BMPR2: variants seen among roughly 807,000 people sequenced by gnomAD.
BMPR2 encodes the protein bone morphogenetic protein receptor type-2.
A neutral mutation model predicts 100.8 loss-of-function variants in BMPR2; 29 were observed. That is an observed-to-expected ratio of 0.29 (90% CI 0.21 to 0.39). The LOEUF is 0.39. BMPR2 is among the 10% of genes least tolerant of loss of function. The pLI is 1.00. For synonymous variants in BMPR2, 382 were observed against 442.3 expected (o/e 0.86, Z 1.71); for missense variants, 1,011 against 1,274.5 (o/e 0.79, Z 3.15).
At chr2:202,535,785 C>T (rs1218291620) in intron 9 of BMPR2, among the ~76,000 whole-genome samples, 1 of 152,202 alleles carries the variant, frequency 6.6e-6, no homozygotes, top group Non-Finnish European at 1.5e-5. Flanking sequence ...TGCACTCCAG[C>T]CTGGGCACCA....
At chr2:202,401,509 T>A (rs544938023) in intron 1 of BMPR2, among the ~76,000 whole-genome samples, 1 of 152,358 alleles carries the variant, frequency 6.6e-6, no homozygotes, top group African/African-American at 2.4e-5. Flanking sequence ...ATTTACCAAG[T>A]GTGGCACGCC....
intron 1 of BMPR2, among the ~76,000 whole-genome samples, chr2:202,394,495 C>T (rs930848011): frequency 3.9e-5 from 6 of 151,936 alleles, no homozygotes; most frequent in East Asian, 3.8e-4. Flanking sequence ...GTAACTTCTC[C>T]CTTTATGAGT....
At chr2:202,535,332 GC>G (rs1207980288) in intron 9 of BMPR2, among the ~76,000 whole-genome samples, 2 of 151,402 alleles carry the variant, frequency 1.3e-5, no homozygotes, top group African/African-American at 4.9e-5. Context: ...CTCAGACGGG[GC>G]GGTTGCCAGG....
chr2:202,388,787 C>CA (rs1172001860), intron 1 of BMPR2, among the ~76,000 whole-genome samples: 16,286 of 90,426 alleles, frequency 0.18, 999 homozygotes, highest in Admixed American at 0.22. Context: ...GATTCAGTCT[C>CA]AAAAAAAAAA....
intron 1 of BMPR2, among the ~76,000 whole-genome samples, chr2:202,454,255 G>C (rs1029165232): frequency 6.6e-6 from 1 of 152,010 alleles, no homozygotes; most frequent in Admixed American, 6.6e-5. Context: ...ATTTTTGGTA[G>C]AGATAGGGTT....
At chr2:202,423,898 T>C (rs1691324676) in intron 1 of BMPR2, among the ~76,000 whole-genome samples, 1 of 151,880 alleles carries the variant, frequency 6.6e-6, no homozygotes, top group Non-Finnish European at 1.5e-5. Context: ...CTACTAAATA[T>C]ACAAAAATTA....
intron 1 of BMPR2, among the ~76,000 whole-genome samples, chr2:202,425,057 C>G (rs1344916975): frequency 6.6e-6 from 1 of 151,942 alleles, no homozygotes; most frequent in African/African-American, 2.4e-5. Flanking sequence ...CTCCTGGGTT[C>G]AAGCAGTTGT....
chr2:202,523,267 T>TA (rs1483248678), intron 7 of BMPR2, among the ~76,000 whole-genome samples: 1 of 152,216 alleles, frequency 6.6e-6, no homozygotes. Flanking sequence ...GCGGAACACT[T>TA]ATACATTATT....
At chr2:202,497,398 C>A (rs1477738133) in intron 3 of BMPR2, among the ~76,000 whole-genome samples, 2 of 152,210 alleles carry the variant, frequency 1.3e-5, no homozygotes. Flanking sequence ...ATACCGGGCA[C>A]CTTATTGGCC....
At chr2:202,502,247 A>G (rs1331541522) in intron 3 of BMPR2, among the ~76,000 whole-genome samples, 1 of 152,230 alleles carries the variant, frequency 6.6e-6, no homozygotes, top group Non-Finnish European at 1.5e-5. Flanking sequence ...ATTGCACACA[A>G]TGCAAAAACA....
At chr2:202,384,988 C>G (rs1043456821) in intron 1 of BMPR2, among the ~76,000 whole-genome samples, 3 of 152,104 alleles carry the variant, frequency 2.0e-5, no homozygotes, top group African/African-American at 7.2e-5. Context: ...TGTACATGAT[C>G]ATGTACTTTC....
chr2:202,380,215 T>C (rs1037433186), intron 1 of BMPR2, among the ~76,000 whole-genome samples: 1 of 151,232 alleles, frequency 6.6e-6, no homozygotes, highest in East Asian at 1.9e-4. Context: ...AAACAACTTA[T>C]GAAAAATAAG....
chr2:202,547,157 C>A (rs1297114937), intron 10 of BMPR2, among the ~76,000 whole-genome samples: 1 of 152,018 alleles, frequency 6.6e-6, no homozygotes, highest in African/African-American at 2.4e-5. Context: ...TTTAAAGTAG[C>A]TTTTTTCCTC....
At chr2:202,417,920 G>C (rs930049039) in intron 1 of BMPR2, among the ~76,000 whole-genome samples, 8 of 151,714 alleles carry the variant, frequency 5.3e-5, no homozygotes, top group African/African-American at 1.9e-4. Context: ...GGGTTTCACC[G>C]TGTTAGCCAG....
At chr2:202,500,841 CCTT>C (rs1687371088) in intron 3 of BMPR2, among the ~76,000 whole-genome samples, 1 of 152,170 alleles carries the variant, frequency 6.6e-6, no homozygotes, top group African/African-American at 2.4e-5. Flanking sequence ...CTCAAGGATG[CCTT>C]CTTCTGTATT....
At chr2:202,534,679 A>G (rs1189568498) in intron 9 of BMPR2, among the ~76,000 whole-genome samples, 3 of 152,172 alleles carry the variant, frequency 2.0e-5, no homozygotes, top group Non-Finnish European at 4.4e-5. Context: ...CAGACACGGC[A>G]ACCATCTGAT....
At chr2:202,520,628 A>G (rs1687803460) in intron 7 of BMPR2, 2 of 228,570 alleles carry the variant, frequency 8.8e-6, no homozygotes, top group African/African-American at 2.3e-5. Flanking sequence ...TTGGCAGACC[A>G]CCTGCGGTAG....
At chr2:202,464,596 G>A (rs768669785) in intron 1 of BMPR2, among the ~76,000 whole-genome samples, 1 of 152,138 alleles carries the variant, frequency 6.6e-6, no homozygotes, top group Non-Finnish European at 1.5e-5. Context: ...TTTGGGAAAT[G>A]AGAATTTTAA....
intron 3 of BMPR2, among the ~76,000 whole-genome samples, chr2:202,480,756 A>G (rs1692642902): frequency 6.6e-6 from 1 of 151,972 alleles, no homozygotes; most frequent in Non-Finnish European, 1.5e-5. Context: ...GATCAAGACC[A>G]TCCTGGCTGA....
Sources: gnomAD v4.1 joint callset for allele counts (sites outside exome capture counted in the v4.1 genomes callset) on GRCh38, gnomAD v4.1.1 for gene constraint, MANE v1.5 for transcripts, NCBI Gene and HGNC (gene_info 2026-07-23, HGNC 2026-07-21) for gene names.